The following COG2 variants were observed in gnomAD, a reference collection of about 807,000 sequenced individuals.
COG2 encodes the protein component of oligomeric golgi complex 2.
COG2 carries 52 observed loss-of-function variants against 90.6 expected under a neutral mutation model. The observed-to-expected ratio is 0.57, with a 90% CI of 0.46 to 0.72. The LOEUF is 0.72. Among genes scored for constraint, COG2 ranks in the 30% least tolerant of loss-of-function variants. COG2 has a pLI of 0.00. For missense variants in COG2, 829 were observed against 891.2 expected (o/e 0.93, Z 0.89); for synonymous variants, 337 against 320.4 (o/e 1.05, Z -0.55).
chr1:230,659,193 T>C (rs1662127494), intron 1 of COG2, among the ~76,000 whole-genome samples: 2 of 152,204 alleles, frequency 1.3e-5, no homozygotes, highest in Non-Finnish European at 2.9e-5. Context: ...AGAACCTGAT[T>C]GAATTGTGTT....
At chr1:230,667,583 C>G (rs774224559) in intron 5 of COG2, among the ~76,000 whole-genome samples, 1 of 152,066 alleles carries the variant, frequency 6.6e-6, no homozygotes, top group Non-Finnish European at 1.5e-5. Flanking sequence ...CTTGTTAAGC[C>G]AAGAAACATT....
Position 230,664,556 on chromosome 1 carries a change from T to C in COG2, c.454T>C (p.Ser152Pro). The C allele has an allele frequency of 6.3e-7, 1 of 1,576,130 alleles. No homozygotes were observed. Among genetic ancestry groups the C allele is most frequent in the Non-Finnish European group, 8.6e-7 (1 of 1,158,112 alleles). The part of the protein sequence containing the change: ...KIEKILNSQS[S>P]KETSALEASS... ...TGAAAAAATCTTAAACTCTCAAAGT[T>C]CTAAAGAAACCTCTGCACTAGAAGC... Residue 152 changes from serine to proline, a missense_variant, in exon 5 of 18, where the codon TCT becomes CCT. Physicochemically the swap from Ser to Pro is moderately conservative, Grantham distance 74 (BLOSUM62 -1). Transcript: ENST00000366669.
chr1:230,666,662 AC>A (rs1284920422), intron 5 of COG2, among the ~76,000 whole-genome samples: 4 of 152,174 alleles, frequency 2.6e-5, no homozygotes, highest in Non-Finnish European at 4.4e-5. Context: ...TTGCTGACTT[AC>A]GCTTCCTTAA....
chr1:230,691,513 C>T lies in COG2; in HGVS notation c.2064C>T (p.Asp688=), dbSNP rs1273285782. The change falls in exon 17 of 18, where the codon GAC becomes GAT. Residue 688 remains aspartate, a synonymous_variant. Coordinates refer to ENST00000366669, the MANE Select transcript of COG2 (RefSeq NM_007357.3). ...PVGPSGGMSD[D]DKIRLQLALD... ...GTCCCAGTGGTGGCATGAGCGACGACGACAAAATCAGGCTGCAGTTGGCCC... is the reference window on the plus strand; with the variant it reads ...GTCCCAGTGGTGGCATGAGCGACGATGACAAAATCAGGCTGCAGTTGGCCC... 6.2e-6 allele frequency: 10 copies of T among 1,614,002 alleles called. No individual in the cohort carries two copies. The highest frequency in any genetic ancestry group is 4.0e-5 in the African/African-American group (3 of 74,894).
intron 5 of COG2, among the ~76,000 whole-genome samples, 178 bp downstream of exon 5, chr1:230,664,765 A>G (rs1365375947): frequency 6.6e-6 from 1 of 152,222 alleles, no homozygotes; most frequent in African/African-American, 2.4e-5. Flanking sequence ...ATATTATTAT[A>G]TAGCCTTGAT....
chr1:230,659,692 G>A, intron 2 of COG2, 67 bp downstream of exon 2: 3 of 1,502,130 alleles, frequency 2.0e-6, no homozygotes, highest in Admixed American at 2.0e-5. Context: ...CTTATTCTTA[G>A]AAGTGTTGTG....
Position 230,651,313 on chromosome 1 carries a change from C to T in COG2, c.73-8151C>T, listed in dbSNP as rs558776966. 8.5e-5 allele frequency among the ~76,000 whole-genome samples: 13 copies of T among 152,210 alleles called. 1 individual carries two copies. Among genetic ancestry groups the T allele is most frequent in the African/African-American group, 3.1e-4 (13 of 41,548 alleles). On this transcript the variant is annotated intron_variant, in intron 1 of 17. Coordinates refer to ENST00000366669, the MANE Select transcript of COG2 (RefSeq NM_007357.3). Reference sequence around the variant, plus strand: ...ATGGGGCAGCTTGGAGAATTTTGCTCTTCTGTTAAAAGTTCTGTGAAATTT... The same window carrying T: ...ATGGGGCAGCTTGGAGAATTTTGCTTTTCTGTTAAAAGTTCTGTGAAATTT...
intron 16 of COG2, 163 bp downstream of exon 16, chr1:230,690,316 C>T: frequency 1.6e-6 from 1 of 609,502 alleles, no homozygotes; most frequent in Non-Finnish European, 2.7e-6. Context: ...TTCCTCCCTC[C>T]CCACACCCTT....
intron 1 of COG2, among the ~76,000 whole-genome samples, chr1:230,655,414 G>C (rs111464017): frequency 0.1 from 15,462 of 152,214 alleles, 953 homozygotes; most frequent in Non-Finnish European, 0.14. Flanking sequence ...TGATTTGCGT[G>C]TGTTGAACCA....
In COG2 at chr1:230,693,672, T is replaced by C; in HGVS notation, c.*279T>C. 1 of 253,102 alleles carries C rather than the reference T, an allele frequency of 4.0e-6. No individual in the cohort carries two copies. Among genetic ancestry groups the C allele is most frequent in the South Asian group, 1.4e-4 (1 of 7,280 alleles). The allele number at this position is 253,102 out of a possible 1,614,324, so 15.7% of individuals were successfully genotyped here. ...ACAGAACAAATTATTTTATTTTTAT[T>C]GTAAATCTTAGTGTGGAAGAGCTGA... is the stretch of plus-strand genomic sequence containing the variant. On this transcript the variant is annotated 3_prime_UTR_variant, in exon 18 of 18. Coordinates refer to ENST00000366669, the MANE Select transcript of COG2 (RefSeq NM_007357.3).
intron 10 of COG2, 23 bp from the exon 11 acceptor site, chr1:230,683,551 T>A (rs1271420883): frequency 4.2e-5 from 39 of 923,520 alleles, no homozygotes; most frequent in Non-Finnish European, 5.0e-5. Context: ...AAACATTAAT[T>A]CTTCTTCTTG....
At chr1:230,661,919 A>G (rs971793574) in intron 3 of COG2, among the ~76,000 whole-genome samples, 1 of 152,032 alleles carries the variant, frequency 6.6e-6, no homozygotes, top group African/African-American at 2.4e-5. Context: ...TGGCTTTTAC[A>G]TGGCTCTTGG....
intron 4 of COG2, 134 bp downstream of exon 4, chr1:230,663,355 A>C (rs1662237670): frequency 2.7e-6 from 1 of 368,356 alleles, no homozygotes; most frequent in Non-Finnish European, 5.0e-6. Context: ...TCTCTTTTAT[A>C]TTAAAGTGTT....
rs1662163539 is a variant in COG2, at chr1:230,660,809, C to G, written c.286C>G (p.Arg96Gly). 6.3e-7 allele frequency: 1 copy of G among 1,586,592 alleles called. No individual in the cohort carries two copies. Among genetic ancestry groups the G allele is most frequent in the South Asian group, 1.2e-5 (1 of 86,798 alleles). ...GCTTTCTGTGCCTTTGGGACAATTACGAGAAGAGGTTCTGGTAAGTTTCCC... is the reference window on the plus strand; with the variant it reads ...GCTTTCTGTGCCTTTGGGACAATTAGGAGAAGAGGTTCTGGTAAGTTTCCC... The part of the protein sequence containing the change: ...NQLSVPLGQL[R>G]EEVLSLRSSV... The change falls in exon 3 of 18, where the codon CGA becomes GGA. Residue 96 changes from arginine to glycine, a missense_variant. Transcript: ENST00000366669.
intron 2 of COG2, among the ~76,000 whole-genome samples, chr1:230,660,280 A>T (rs1662151324): frequency 6.6e-6 from 1 of 152,258 alleles, no homozygotes; most frequent in Admixed American, 6.5e-5. Context: ...TGGGAAATGT[A>T]CATCTAAGAT....
At chr1:230,655,145 T>C (rs183144731) in intron 1 of COG2, among the ~76,000 whole-genome samples, 8 of 152,300 alleles carry the variant, frequency 5.3e-5, no homozygotes, top group Non-Finnish European at 7.3e-5. Flanking sequence ...TGAATAGAAG[T>C]GGTGAGAAGA....
intron 10 of COG2, chr1:230,680,276 G>T (rs765481456): frequency 6.6e-6 from 1 of 151,962 alleles, no homozygotes; most frequent in African/African-American, 2.4e-5. Flanking sequence ...TCTTTTTGTC[G>T]TCCAGGTTTG....
chr1:230,683,713 A>G, intron 11 of COG2, 78 bp downstream of exon 11: 2 of 893,084 alleles, frequency 2.2e-6, no homozygotes, highest in Non-Finnish European at 3.6e-6. Context: ...GGATTGCAGT[A>G]TTCTGAGCGT....
chr1:230,675,146 T>C, intron 9 of COG2, 22 bp downstream of exon 9: 1 of 1,601,634 alleles, frequency 6.2e-7, no homozygotes, highest in Non-Finnish European at 8.5e-7. Context: ...CCCGTCGTCT[T>C]GATTCTTGAA....
Sources: gnomAD v4.1 joint callset for allele counts (sites outside exome capture counted in the v4.1 genomes callset) on GRCh38, gnomAD v4.1.1 for gene constraint, MANE v1.5 for transcripts, NCBI Gene and HGNC (gene_info 2026-07-23, HGNC 2026-07-21) for gene names.